The following SIRT4 variants were observed in gnomAD, a reference collection of about 807,000 sequenced individuals.
The protein encoded by SIRT4 is sirtuin 4.
In SIRT4, 23 loss-of-function variants were observed where a neutral mutation model predicts 26.1. That is an observed-to-expected ratio of 0.88 (90% confidence interval 0.63 to 1.25). The LOEUF (loss-of-function observed/expected upper bound fraction) is 1.25, where lower values mean the gene tolerates loss of function less well. Among genes scored for constraint, SIRT4 ranks in the 50% most tolerant of loss-of-function variants. SIRT4 has a pLI of 0.00. For missense variants in SIRT4, 361 were observed against 405.4 expected, an observed-to-expected ratio of 0.89 and a Z score of 0.94; for synonymous variants, 155 against 158.4, an observed-to-expected ratio of 0.98 and a Z score of 0.16.
intron 1 of SIRT4, 129 bp from the exon 2 acceptor site, chr12:120,303,432 G>T: frequency 9.5e-7 from 1 of 1,050,632 alleles, no homozygotes; most frequent in Non-Finnish European, 1.3e-6. Context: ...CCAAGATCAT[G>T]CCACTGTACT....
upstream of SIRT4, among the ~76,000 whole-genome samples, chr12:120,298,729 A>G (rs1872427496): frequency 6.7e-6 from 1 of 150,186 alleles, no homozygotes; most frequent in Non-Finnish European, 1.5e-5. Flanking sequence ...AAGCATGGTG[A>G]AACCCCGTCT....
chr12:120,312,547 C>T lies in SIRT4; in HGVS notation c.589C>T (p.His197Tyr). 6.2e-7 allele frequency: 1 copy of T among 1,614,148 alleles called. No homozygotes were observed. Among genetic ancestry groups the T allele is most frequent in the Non-Finnish European group, 8.5e-7 (1 of 1,180,022 alleles). Residue 197 changes from histidine to tyrosine, a missense_variant, in exon 3 of 4, where the codon CAT becomes TAT. His to Tyr is a moderately conservative substitution (Grantham distance 83). Coordinates refer to ENST00000202967, the MANE Select transcript of SIRT4 (RefSeq NM_012240.3). ...VLNPTWSAEAHGLAPDGDVFL... is the reference protein window; with the variant it reads ...VLNPTWSAEAYGLAPDGDVFL... ...GAACCCCACCTGGAGTGCTGAGGCC[C>T]ATGGCCTGGCTCCTGATGGTGACGT... is the stretch of plus-strand genomic sequence containing the variant.
chr12:120,307,562 C>T (rs58527955), intron 2 of SIRT4, among the ~76,000 whole-genome samples: 2,149 of 152,116 alleles, frequency 0.014, 54 homozygotes, highest in African/African-American at 0.049. Flanking sequence ...TGGGAAGACA[C>T]AAAAATAACA....
the SIRT4 span, chr12:120,291,897 C>G: frequency 1.3e-5 from 2 of 152,104 alleles, no homozygotes; most frequent in African/African-American, 2.4e-5. Context: ...TGCCACTGCG[C>G]AAAGCTGGAA....
chr12:120,305,341 C>G (rs1031154308), intron 2 of SIRT4, among the ~76,000 whole-genome samples: 1 of 151,946 alleles, frequency 6.6e-6, no homozygotes, highest in Admixed American at 6.6e-5. Flanking sequence ...GCCTCAATCT[C>G]TTGGGCTCAA....
upstream of SIRT4, among the ~76,000 whole-genome samples, chr12:120,298,931 A>ATAAATAAAT (rs1872438422): frequency 7.4e-6 from 1 of 135,458 alleles, no homozygotes; most frequent in Non-Finnish European, 1.6e-5. Flanking sequence ...AAATAAATAA[A>ATAAATAAAT]TAAATAAATA....
intron 2 of SIRT4, among the ~76,000 whole-genome samples, chr12:120,307,987 T>C (rs879348756): frequency 2.0e-5 from 3 of 152,106 alleles, no homozygotes; most frequent in East Asian, 1.9e-4. Flanking sequence ...TTAGTAAAGA[T>C]TGGAATAATC....
chr12:120,303,566 A>G lies in SIRT4; in HGVS notation c.5A>G (p.Lys2Arg). Residue 2 changes from lysine to arginine, a missense_variant, in exon 2 of 4, where the codon AAG (lysine) becomes AGG (arginine). Lys to Arg is a conservative substitution (Grantham distance 26, BLOSUM62 2). Transcript: ENST00000202967. ...TGAGGCTTCTTTTTCTCTAGAATGA[A>G]GATGAGCTTTGCGTTGACTTTCAGG... is the stretch of plus-strand genomic sequence containing the variant. M[K>R]MSFALTFRSA... 6.3e-7 allele frequency: 1 copy of G among 1,598,342 alleles called. No homozygotes were observed. Among genetic ancestry groups the G allele is most frequent in the Non-Finnish European group, 8.5e-7 (1 of 1,174,904 alleles).
At chr12:120,304,926 G>C (rs1360973769) in intron 2 of SIRT4, among the ~76,000 whole-genome samples, 2 of 149,320 alleles carry the variant, frequency 1.3e-5, no homozygotes, top group Non-Finnish European at 3.0e-5. Context: ...GGCCAAGGCA[G>C]GCAGATTACC....
the SIRT4 span, among the ~76,000 whole-genome samples, chr12:120,292,624 A>G: frequency 6.6e-6 from 1 of 151,846 alleles, no homozygotes; most frequent in Non-Finnish European, 1.5e-5. Flanking sequence ...CGAGAGAAAG[A>G]AAACAGGACA....
At position 120,312,328 on chromosome 12, in the gene SIRT4, G is replaced by A. The variant is rs550829258; in HGVS notation, c.498-128G>A. On this transcript the variant is annotated intron_variant, in intron 2 of 3. Coordinates refer to ENST00000202967, the MANE Select transcript of SIRT4 (RefSeq NM_012240.3). ...AAATAGAAAGTATGGCTAAAATGGG[G>A]TGGGGATTGTGTGTTAGGGAAAGAA... The A allele has an allele frequency of 2.2e-5, 19 of 854,028 alleles. No individual in the cohort carries two copies. In the South Asian group the frequency reaches 3.2e-4, roughly 15 times the overall value. The allele number at this position is 854,028 out of a possible 1,614,324, so 52.9% of individuals were successfully genotyped here. A position where few individuals can be genotyped will look rare whatever the true frequency, so the allele number is the denominator to read the frequency against.
the SIRT4 span, among the ~76,000 whole-genome samples, chr12:120,292,894 T>C: frequency 9.8e-5 from 15 of 152,296 alleles, no homozygotes; most frequent in South Asian, 3.1e-3. Context: ...AAAGTAGAGA[T>C]CACAAAATCA....
chr12:120,307,483 T>C (rs900144024), intron 2 of SIRT4, among the ~76,000 whole-genome samples: 2 of 148,534 alleles, frequency 1.3e-5, no homozygotes, highest in Non-Finnish European at 3.0e-5. Context: ...AGGGAGATTG[T>C]CTCAAACAAC....
the SIRT4 span, among the ~76,000 whole-genome samples, chr12:120,296,504 GT>G: frequency 0.014 from 1,704 of 124,218 alleles, 30 homozygotes; most frequent in African/African-American, 0.047. Flanking sequence ...CTTGTTTTGT[GT>G]TTTTTTTTTT....
chr12:120,313,217 T>A lies in SIRT4; in HGVS notation c.*181T>A. On this transcript the variant is annotated 3_prime_UTR_variant, in exon 4 of 4. Coordinates refer to ENST00000202967, the MANE Select transcript of SIRT4 (RefSeq NM_012240.3). ...ATATTCTTAATTAAAACTCATTTTT[T>A]TTAAATAAAAAATTGTTCAGCTTTA... 1 of 661,880 alleles carries A rather than the reference T, an allele frequency of 1.5e-6. No homozygotes were observed. Among genetic ancestry groups the A allele is most frequent in the Non-Finnish European group, 2.5e-6 (1 of 399,972 alleles). 41.0% of individuals were successfully genotyped at this position (661,880 alleles called of 1,614,324 possible).
chr12:120,293,790 TCTC>T, the SIRT4 span, among the ~76,000 whole-genome samples: 1 of 152,060 alleles, frequency 6.6e-6, no homozygotes, highest in Non-Finnish European at 1.5e-5. Context: ...CCTGTTCCCT[TCTC>T]CTCCAGCCCC....
At chr12:120,312,387 T>G in intron 2 of SIRT4, 69 bp from the exon 3 acceptor site, 1 of 1,455,636 alleles carries the variant, frequency 6.9e-7, no homozygotes, top group Admixed American at 2.2e-5. Context: ...TGGTTGGAGA[T>G]GAAACGTCTC....
In SIRT4 at chr12:120,313,093, A is replaced by T. The variant is rs1873060174; in HGVS notation, c.*57A>T. 1 of 1,593,596 alleles carries T rather than the reference A, an allele frequency of 6.3e-7. No homozygotes were observed. The highest frequency in any genetic ancestry group is 8.6e-7 in the Non-Finnish European group (1 of 1,162,876). Reference sequence around the variant, plus strand: ...GGACTTTCACTTGAATCTTGCTGCTAAATGTAAATGCCTTCTCAAATGACA... The same window carrying T: ...GGACTTTCACTTGAATCTTGCTGCTTAATGTAAATGCCTTCTCAAATGACA... On this transcript the variant is annotated 3_prime_UTR_variant, in exon 4 of 4. Coordinates refer to ENST00000202967, the MANE Select transcript of SIRT4 (RefSeq NM_012240.3).
chr12:120,303,905 A>G lies in SIRT4; in HGVS notation c.344A>G (p.Gln115Arg), dbSNP rs751811664. Reference protein sequence around the residue: ...YWARNFVGWPQFSSHQPNPAH... With the variant: ...YWARNFVGWPRFSSHQPNPAH... ...GCGAGAAACTTCGTAGGCTGGCCTC[A>G]ATTCTCCTCCCACCAGCCTAACCCT... Residue 115 changes from glutamine (Q) to arginine (R), a missense_variant, in exon 2 of 4, where the codon CAA (glutamine) becomes CGA (arginine). Physicochemically the swap from Gln to Arg is conservative, Grantham distance 43. Transcript: ENST00000202967. 1.9e-6 allele frequency: 3 copies of G among 1,614,180 alleles called. No homozygotes were observed. The highest frequency in any genetic ancestry group is 2.5e-6 in the Non-Finnish European group (3 of 1,180,034).
Sources: allele counts gnomAD v4.1 joint callset (sites outside exome capture counted in the v4.1 genomes callset), GRCh38; gene constraint gnomAD v4.1.1; transcripts MANE v1.5; gene names NCBI Gene and HGNC (gene_info 2026-07-23, HGNC 2026-07-21).